Variants in MTUS2 observed in about 807,000 individuals in gnomAD.
MTUS2 encodes microtubule associated scaffold protein 2.
MTUS2 carries 40 observed loss-of-function variants against 114.1 expected under a neutral mutation model. That is an observed-to-expected ratio of 0.35 (90% CI 0.27 to 0.46). The LOEUF (loss-of-function observed/expected upper bound fraction) is 0.46, where lower values mean the gene tolerates loss of function less well. Among genes scored for constraint, MTUS2 ranks in the 20% least tolerant of loss-of-function variants. The pLI is 1.00. For synonymous variants in MTUS2, 688 were observed against 672.0 expected, an observed-to-expected ratio of 1.02 and a Z score of -0.37; for missense variants, 1,679 against 1,705.4, an observed-to-expected ratio of 0.98 and a Z score of 0.27.
chr13:28,917,063 T>G (rs1880785709), intron 2 of MTUS2, among the ~76,000 whole-genome samples: 2 of 151,840 alleles, frequency 1.3e-5, no homozygotes, highest in South Asian at 4.1e-4. Context: ...AAATGATGTA[T>G]CACATTGATT....
intron 5 of MTUS2, among the ~76,000 whole-genome samples, chr13:29,276,991 G>A (rs1898090699): frequency 6.6e-6 from 1 of 152,150 alleles, no homozygotes; most frequent in African/African-American, 2.4e-5. Flanking sequence ...ATTGTTTACT[G>A]GAAATGCCTC....
intron 8 of MTUS2, among the ~76,000 whole-genome samples, chr13:29,372,726 T>C (rs1431445813): frequency 2.6e-5 from 4 of 152,320 alleles, no homozygotes; most frequent in African/African-American, 9.6e-5. Flanking sequence ...TTTTTTTTCT[T>C]CTTCAGATCC....
At chr13:29,477,620 A>G (rs1880801178) in intron 9 of MTUS2, among the ~76,000 whole-genome samples, 1 of 152,184 alleles carries the variant, frequency 6.6e-6, no homozygotes, top group Non-Finnish European at 1.5e-5. Context: ...GGTACCACAA[A>G]GTCTCTGACC....
At chr13:28,900,852 T>C (rs1193854668) in intron 2 of MTUS2, among the ~76,000 whole-genome samples, 1 of 152,240 alleles carries the variant, frequency 6.6e-6, no homozygotes, top group African/African-American at 2.4e-5. Context: ...TTAACATTCA[T>C]GTGCAGGTTT....
intron 5 of MTUS2, among the ~76,000 whole-genome samples, chr13:29,132,378 C>T (rs1044056974): frequency 7.2e-5 from 11 of 152,092 alleles, no homozygotes; most frequent in African/African-American, 1.9e-4. Context: ...AGAATACACA[C>T]GACAAAATTT....
At chr13:29,477,326 C>A (rs1240009768) in intron 9 of MTUS2, among the ~76,000 whole-genome samples, 1 of 152,206 alleles carries the variant, frequency 6.6e-6, no homozygotes, top group Non-Finnish European at 1.5e-5. Context: ...ATATCTACCT[C>A]TTACCTCTTC....
chr13:29,094,361 T>C lies in MTUS2; in HGVS notation c.2447-6412T>C, dbSNP rs531447274. 7.9e-5 allele frequency among the ~76,000 whole-genome samples: 12 copies of C among 152,030 alleles called. No homozygotes were observed. The South Asian group carries it at 2.5e-3, about 32-fold the overall frequency. On this transcript the variant is annotated intron_variant, in intron 4 of 15. Transcript: ENST00000612955. ...TTGTGGGAATTTTTTTTTTTATTTC[T>C]AATTCAATCTCTCTTTTAGATTTTC...
At chr13:28,867,819 C>CT (rs1003983042) in intron 2 of MTUS2, among the ~76,000 whole-genome samples, 3 of 152,124 alleles carry the variant, frequency 2.0e-5, no homozygotes, top group African/African-American at 4.8e-5. Context: ...AGCTCCTGTT[C>CT]TTTTTTCTGA....
At chr13:29,308,931 G>A (rs1470155986) in intron 6 of MTUS2, among the ~76,000 whole-genome samples, 1 of 139,950 alleles carries the variant, frequency 7.1e-6, no homozygotes, top group Non-Finnish European at 1.6e-5. Context: ...GGAGACAAAG[G>A]AGCACTTTTG....
At chr13:29,082,091 G>A (rs761675874) in intron 4 of MTUS2, among the ~76,000 whole-genome samples, 38 of 152,186 alleles carry the variant, frequency 2.5e-4, no homozygotes, top group African/African-American at 8.4e-4. Context: ...TTTAGATGAG[G>A]TCATGAGGAT....
intron 9 of MTUS2, 115 bp downstream of exon 9, chr13:29,440,164 G>T: frequency 1.0e-6 from 1 of 978,470 alleles, no homozygotes. Context: ...CTGCCTAGAT[G>T]AATGAAGTAT....
intron 8 of MTUS2, among the ~76,000 whole-genome samples, chr13:29,424,142 A>G (rs1308745744): frequency 1.3e-5 from 2 of 152,096 alleles, no homozygotes; most frequent in African/African-American, 2.4e-5. Flanking sequence ...TGCTGGGATC[A>G]TAAGTGTGAG....
chr13:29,039,218 C>T (rs536359865), intron 4 of MTUS2, among the ~76,000 whole-genome samples: 40 of 152,224 alleles, frequency 2.6e-4, no homozygotes, highest in African/African-American at 7.9e-4. Flanking sequence ...CACCCTGGCC[C>T]GGGGCTAGCC....
intron 14 of MTUS2, 31 bp downstream of exon 14, chr13:29,498,568 C>T: frequency 1.9e-6 from 3 of 1,612,922 alleles, no homozygotes; most frequent in Non-Finnish European, 2.5e-6. Context: ...GGGAGAGTAA[C>T]CTCCATGACA....
At chr13:29,042,581 G>T (rs1407855360) in intron 4 of MTUS2, among the ~76,000 whole-genome samples, 1 of 152,096 alleles carries the variant, frequency 6.6e-6, no homozygotes, top group South Asian at 2.1e-4. Flanking sequence ...ATTCAACTGT[G>T]AACTCGTCTG....
intron 2 of MTUS2, among the ~76,000 whole-genome samples, chr13:28,908,204 A>G (rs1178237149): frequency 6.6e-6 from 1 of 151,486 alleles, no homozygotes; most frequent in Non-Finnish European, 1.5e-5. Context: ...GGTTAGTTAC[A>G]TATGTATACA....
At chr13:29,257,627 G>A (rs940371831) in intron 5 of MTUS2, among the ~76,000 whole-genome samples, 3 of 152,282 alleles carry the variant, frequency 2.0e-5, no homozygotes, top group South Asian at 2.1e-4. Flanking sequence ...TTGAAAGGTC[G>A]TCAACTGGAA....
intron 5 of MTUS2, among the ~76,000 whole-genome samples, chr13:29,228,408 C>T (rs999230524): frequency 6.6e-6 from 1 of 152,172 alleles, no homozygotes; most frequent in African/African-American, 2.4e-5. Context: ...GCAGCCACAA[C>T]CTCCTGGGCT....
chr13:28,946,304 T>TGTGCGCGCGC (rs1179597309), intron 2 of MTUS2, among the ~76,000 whole-genome samples: 44 of 150,330 alleles, frequency 2.9e-4, no homozygotes, highest in African/African-American at 1.1e-3. Context: ...TGTGTGTGTG[T>TGTGCGCGCGC]GCGCGCGCAC....
Sources: allele counts gnomAD v4.1 joint callset (sites outside exome capture counted in the v4.1 genomes callset), GRCh38; gene constraint gnomAD v4.1.1; transcripts MANE v1.5; gene names NCBI Gene and HGNC (gene_info 2026-07-23, HGNC 2026-07-21).